The following EPB41L3 variants were observed in gnomAD, a reference collection of about 807,000 sequenced individuals.
The protein encoded by EPB41L3 is erythrocyte membrane protein band 4.1 like 3.
Under a neutral mutation model 127.1 loss-of-function variants are expected in EPB41L3, and 57 were observed. The ratio of observed to expected loss-of-function variants is 0.45; its 90% CI spans 0.36 to 0.56. The LOEUF (loss-of-function observed/expected upper bound fraction) is 0.56. EPB41L3 is among the 20% of genes least tolerant of loss of function. EPB41L3 has a pLI of 0.00. For synonymous variants in EPB41L3, 572 were observed against 549.5 expected, an observed-to-expected ratio of 1.04 and a Z score of -0.57; for missense variants, 1,273 against 1,372.2, an observed-to-expected ratio of 0.93 and a Z score of 1.14.
At chr18:5,606,916 G>GTCTC (rs1323264764) in intron 3 of EPB41L3, among the ~76,000 whole-genome samples, 9 of 91,410 alleles carry the variant, frequency 9.8e-5, no homozygotes, top group Non-Finnish European at 2.0e-4. Context: ...CTCTCTCTCT[G>GTCTC]TCTCTCTCTC....
At chr18:5,548,264 T>C (rs745951700), upstream of EPB41L3, among the ~76,000 whole-genome samples, 4 of 152,230 alleles carry the variant, frequency 2.6e-5, no homozygotes, top group Non-Finnish European at 4.4e-5. Context: ...TAAAAATTCA[T>C]TGAAGAGTTT....
intron 9 of EPB41L3, among the ~76,000 whole-genome samples, chr18:5,425,210 C>A (rs1430795010): frequency 6.6e-6 from 1 of 152,088 alleles, no homozygotes; most frequent in Non-Finnish European, 1.5e-5. Flanking sequence ...GGCAAAGAAC[C>A]GAGGTGAGGG....
chr18:5,562,836 C>G (rs1216255086), intron 3 of EPB41L3, among the ~76,000 whole-genome samples: 7 of 152,318 alleles, frequency 4.6e-5, no homozygotes, highest in African/African-American at 1.4e-4. Context: ...TCCCATCCAG[C>G]CTTCTTCGGA....
In EPB41L3 at chr18:5,512,461, C is replaced by T. The variant is rs548121324; in HGVS notation, c.-11-23267G>A. 9.3e-4 allele frequency among the ~76,000 whole-genome samples: 141 copies of T among 152,146 alleles called. 1 individual carries two copies. The highest frequency in any genetic ancestry group is 1.8e-3 in the Non-Finnish European group (120 of 68,002). ...GACAGGAGGCTCAAGAGGTCACGAG[C>T]GATCTGACCGCAAAGGGAACTCATC... On this transcript the variant is annotated intron_variant, in intron 1 of 22. Coordinates refer to ENST00000341928, the MANE Select transcript of EPB41L3 (RefSeq NM_012307.5).
intron 1 of EPB41L3, among the ~76,000 whole-genome samples, chr18:5,517,460 G>A (rs978825016): frequency 1.3e-5 from 2 of 151,742 alleles, no homozygotes; most frequent in African/African-American, 2.4e-5. Context: ...TTTTTGAGAT[G>A]GAGTCTCACT....
intron 16 of EPB41L3, among the ~76,000 whole-genome samples, chr18:5,404,163 C>T (rs571056120): frequency 6.6e-6 from 1 of 152,332 alleles, no homozygotes; most frequent in South Asian, 2.1e-4. Flanking sequence ...GGGAGCACAG[C>T]ACCCTGACAC....
intron 16 of EPB41L3, 109 bp downstream of exon 16, chr18:5,406,668 A>C: frequency 1.0e-6 from 1 of 980,304 alleles, no homozygotes; most frequent in Non-Finnish European, 1.5e-6. Flanking sequence ...AAACATAGGT[A>C]GGAAGAGAGA....
chr18:5,489,056 T>G lies in EPB41L3; in HGVS notation c.128A>C (p.Gln43Pro). Residue 43 changes from glutamine to proline, a missense_variant, in exon 2 of 23, where the codon CAG (glutamine) becomes CCG (proline). Gln to Pro is a moderately conservative substitution (Grantham distance 76). Around this residue, in one of 3 missense-constraint regions of EPB41L3, gnomAD observed 182 missense variants for 149.2 expected, o/e 1.22. Transcript: ENST00000341928. ...AGCGGCGGCGAACTGCTCCAGGGCCTGCTGCTGCTCCTCCTTGGGCGGCTC... is the reference window on the plus strand; with the variant it reads ...AGCGGCGGCGAACTGCTCCAGGGCCGGCTGCTGCTCCTCCTTGGGCGGCTC... ...VPEPPKEEQQ[Q>P]ALEQFAAAAA... The G allele has an allele frequency of 6.3e-7, 1 of 1,596,174 alleles. No homozygotes were observed. The highest frequency in any genetic ancestry group is 8.5e-7 in the Non-Finnish European group (1 of 1,176,654).
chr18:5,547,580 TTACTC>T (rs1340068501), upstream of EPB41L3, among the ~76,000 whole-genome samples: 1 of 152,186 alleles, frequency 6.6e-6, no homozygotes, highest in East Asian at 1.9e-4. Context: ...CTTCCTGAAA[TTACTC>T]TATATAATTT....
At chr18:5,476,382 G>C (rs2087223351) in intron 3 of EPB41L3, among the ~76,000 whole-genome samples, 1 of 152,070 alleles carries the variant, frequency 6.6e-6, no homozygotes, top group Admixed American at 6.6e-5. Context: ...TGTTCACAGT[G>C]ACATTAAAAG....
chr18:5,533,867 C>T (rs1465303368), intron 1 of EPB41L3, among the ~76,000 whole-genome samples: 3 of 147,880 alleles, frequency 2.0e-5, no homozygotes, highest in Non-Finnish European at 4.5e-5. Flanking sequence ...TATGGACCAG[C>T]CATAAAGAAA....
At chr18:5,410,210 T>A (rs1277866287) in intron 14 of EPB41L3, among the ~76,000 whole-genome samples, 1 of 148,372 alleles carries the variant, frequency 6.7e-6, no homozygotes, top group Non-Finnish European at 1.5e-5. Flanking sequence ...GAGATAGAAT[T>A]TTTTTCTAAA....
At chr18:5,404,722 T>C (rs1207893045) in intron 16 of EPB41L3, among the ~76,000 whole-genome samples, 1 of 152,244 alleles carries the variant, frequency 6.6e-6, no homozygotes, top group Non-Finnish European at 1.5e-5. Flanking sequence ...TAAACTTTCA[T>C]TCAAAGTGGC....
intron 3 of EPB41L3, among the ~76,000 whole-genome samples, chr18:5,456,517 C>T (rs1315080396): frequency 1.3e-5 from 2 of 152,174 alleles, no homozygotes; most frequent in Non-Finnish European, 2.9e-5. Context: ...AATGATGCTT[C>T]ATTCAGTCTT....
chr18:5,613,347 C>T (rs7240716), intron 2 of EPB41L3, among the ~76,000 whole-genome samples: 22,246 of 152,198 alleles, frequency 0.15, 2,669 homozygotes, highest in African/African-American at 0.33. Flanking sequence ...AGTGAACTTT[C>T]GAACATCTCC....
rs578207382 is a variant in EPB41L3, at chr18:5,558,876, T to C, written c.-306+53464A>G. On this transcript the variant is annotated intron_variant, in intron 3 of 21. Transcript: ENST00000545076. ...GAGGACATAACAGGACAAACATTCA[T>C]ATTCTACAAGTGTACTTAGTCTTTA... Among the ~76,000 whole-genome samples the C allele has an allele frequency of 1.5e-4, 23 of 152,346 alleles. No individual in the cohort carries two copies. The South Asian group carries it at 4.6e-3, about 30-fold the overall frequency.
chr18:5,547,186 C>T (rs1165817644), upstream of EPB41L3, among the ~76,000 whole-genome samples: 8 of 152,170 alleles, frequency 5.3e-5, no homozygotes, highest in African/African-American at 1.9e-4. Flanking sequence ...ATTGAATTTG[C>T]TTGCTTTCTT....
At chr18:5,608,666 T>C (rs958443195) in intron 3 of EPB41L3, among the ~76,000 whole-genome samples, 7 of 152,118 alleles carry the variant, frequency 4.6e-5, no homozygotes, top group Non-Finnish European at 8.8e-5. Context: ...CTACCAATTA[T>C]TACTGGAAGA....
intron 3 of EPB41L3, among the ~76,000 whole-genome samples, chr18:5,459,394 TC>T (rs1233770030): frequency 8.4e-6 from 1 of 118,458 alleles, no homozygotes; most frequent in Non-Finnish European, 1.7e-5. Context: ...TCCATTGGTC[TC>T]TTTTTTTTTT....
Sources: gnomAD v4.1 joint callset for allele counts (sites outside exome capture counted in the v4.1 genomes callset) on GRCh38, gnomAD v4.1.1 for gene constraint, gnomAD v4.1.1 regional missense constraint, MANE v1.5 for transcripts, NCBI Gene and HGNC (gene_info 2026-07-23, HGNC 2026-07-21) for gene names.